FARP2: variants seen among roughly 807,000 people sequenced by gnomAD.
FARP2 encodes the protein FERM, ARHGEF and pleckstrin domain-containing protein 2.
FARP2 carries 111 observed loss-of-function variants against 130.5 expected under a neutral mutation model. The observed-to-expected ratio is 0.85, with a 90% CI of 0.73 to 1.00. The LOEUF (loss-of-function observed/expected upper bound fraction) is 1.00. Ranked by LOEUF, FARP2 falls within the 50% of genes least tolerant of loss-of-function variation. FARP2 has a pLI of 0.00. For synonymous variants in FARP2, 504 were observed against 516.9 expected (o/e 0.98, Z 0.34); for missense variants, 1,385 against 1,346.3 (o/e 1.03, Z -0.45).
chr2:241,458,895 A>T (rs1159968957), intron 14 of FARP2, among the ~76,000 whole-genome samples: 1 of 152,126 alleles, frequency 6.6e-6, no homozygotes, highest in Non-Finnish European at 1.5e-5. Context: ...GCCCTCTGGG[A>T]TGGGGGCACC....
intron 13 of FARP2, among the ~76,000 whole-genome samples, chr2:241,455,454 C>T (rs1215092171): frequency 1.3e-5 from 2 of 152,200 alleles, no homozygotes; most frequent in South Asian, 2.1e-4. Context: ...AACCTCAGCT[C>T]ACTGCAACCT....
intron 2 of FARP2, chr2:241,387,186 G>T (rs2061804175): frequency 6.6e-6 from 1 of 152,168 alleles, no homozygotes; most frequent in Non-Finnish European, 1.5e-5. Context: ...TTGGGAAACG[G>T]AGGGACAGAG....
intron 18 of FARP2, among the ~76,000 whole-genome samples, chr2:241,474,652 C>T (rs931565310): frequency 1.3e-4 from 19 of 151,626 alleles, no homozygotes; most frequent in African/African-American, 4.4e-4. Flanking sequence ...ATTAGCCAGG[C>T]GTTGTGGCGG....
chr2:241,404,339 C>T (rs776659909), intron 3 of FARP2, among the ~76,000 whole-genome samples: 6 of 152,182 alleles, frequency 3.9e-5, no homozygotes, highest in Non-Finnish European at 7.3e-5. Flanking sequence ...GTTCAAAAAG[C>T]ATGTCAGCGT....
chr2:241,465,930 G>T (rs2064157557), intron 17 of FARP2: 3 of 1,421,916 alleles, frequency 2.1e-6, no homozygotes, highest in South Asian at 1.6e-5. Context: ...TTCCTGCCTC[G>T]ACGGAAGCTG....
chr2:241,411,021 A>T lies in FARP2; in HGVS notation c.411-12A>T. 1.3e-6 allele frequency: 2 copies of T among 1,561,252 alleles called. No homozygotes were observed. The highest frequency in any genetic ancestry group is 2.3e-5 in the South Asian group (2 of 88,150). ...GGAATTGATCTCTGTCTTATTTTGAACTCTCTTCTAGATACTTGTTTGCCT... is the reference window on the plus strand; with the variant it reads ...GGAATTGATCTCTGTCTTATTTTGATCTCTCTTCTAGATACTTGTTTGCCT... On this transcript the variant is annotated splice_polypyrimidine_tract_variant and intron_variant, in intron 5 of 26. Transcript: ENST00000264042.
chr2:241,487,599 G>A (rs1458530144), intron 21 of FARP2, among the ~76,000 whole-genome samples: 6 of 149,482 alleles, frequency 4.0e-5, no homozygotes, highest in African/African-American at 7.4e-5. Context: ...CCTGGGAGGC[G>A]GAGGTTGCAC....
chr2:241,477,692 C>A (rs909980655), intron 19 of FARP2, among the ~76,000 whole-genome samples: 1 of 152,206 alleles, frequency 6.6e-6, no homozygotes, highest in Non-Finnish European at 1.5e-5. Flanking sequence ...TTCATTCCCA[C>A]CAACTCGTAT....
intron 2 of FARP2, among the ~76,000 whole-genome samples, chr2:241,397,096 A>G (rs1462714550): frequency 6.6e-6 from 1 of 152,146 alleles, no homozygotes; most frequent in Non-Finnish European, 1.5e-5. Flanking sequence ...AAAAAACCAA[A>G]CACCGCATGT....
chr2:241,400,514 T>C (rs959511187), intron 2 of FARP2, among the ~76,000 whole-genome samples: 2 of 152,230 alleles, frequency 1.3e-5, no homozygotes, highest in Non-Finnish European at 2.9e-5. Flanking sequence ...AACTGGTGTG[T>C]AATTAGGTAG....
chr2:241,420,475 G>A (rs1420643369), intron 8 of FARP2, among the ~76,000 whole-genome samples: 1 of 152,136 alleles, frequency 6.6e-6, no homozygotes, highest in East Asian at 1.9e-4. Flanking sequence ...ACTCATTTTT[G>A]AACCTTCAGA....
At chr2:241,491,914 G>A (rs768403885) in intron 24 of FARP2, among the ~76,000 whole-genome samples, 2 of 152,280 alleles carry the variant, frequency 1.3e-5, no homozygotes, top group African/African-American at 2.4e-5. Flanking sequence ...CAGGCGGGGC[G>A]TGTCCTCAGG....
chr2:241,470,396 C>T (rs2064276210), intron 18 of FARP2, among the ~76,000 whole-genome samples: 1 of 150,710 alleles, frequency 6.6e-6, no homozygotes, highest in African/African-American at 2.4e-5. Context: ...ACGTGGCTCT[C>T]AGGGGGTCCT....
intron 2 of FARP2, among the ~76,000 whole-genome samples, chr2:241,400,497 G>A (rs986408998): frequency 3.3e-5 from 5 of 152,198 alleles, no homozygotes; most frequent in South Asian, 2.1e-4. Context: ...TTCTAGAGTC[G>A]AGTACCAACT....
intron 1 of FARP2, among the ~76,000 whole-genome samples, chr2:241,364,346 G>T (rs984604637): frequency 2.0e-5 from 3 of 152,184 alleles, no homozygotes; most frequent in African/African-American, 7.2e-5. Context: ...GCCTGTAAGT[G>T]TATTCTCCCC....
At chr2:241,371,423 G>T (rs1239869313) in intron 1 of FARP2, among the ~76,000 whole-genome samples, 1 of 152,198 alleles carries the variant, frequency 6.6e-6, no homozygotes, top group Non-Finnish European at 1.5e-5. Context: ...GGTGGAGGTT[G>T]CAGTGAACCA....
intron 19 of FARP2, chr2:241,478,230 T>G: frequency 6.4e-6 from 1 of 156,178 alleles, no homozygotes; most frequent in Non-Finnish European, 1.4e-5. Context: ...AGCCCAGGAG[T>G]TCAACGTTGC....
intron 2 of FARP2, among the ~76,000 whole-genome samples, chr2:241,402,845 T>TAC: frequency 1.5e-4 from 1 of 6,586 alleles, no homozygotes; most frequent in East Asian, 3.4e-3. Context: ...TTTATATATA[T>TAC]ATATATATAT....
At position 241,435,510 on chromosome 2, in the gene FARP2, AT is replaced by A. The variant is rs374376821; in HGVS notation, c.1100+499del. ...ATGTTTTAAAGAAAGTGGATTTGTAATTTTTTTTTTTTTTTTTTTGAGACGG... is the reference window on the plus strand; with the variant it reads ...ATGTTTTAAAGAAAGTGGATTTGTAATTTTTTTTTTTTTTTTTTGAGACGG... On this transcript the variant is annotated intron_variant, in intron 11 of 26. Transcript: ENST00000264042. Among the ~76,000 whole-genome samples, 1,009 of 134,516 alleles carry A rather than the reference AT, an allele frequency of 7.5e-3. 2 individuals carry two copies. The highest frequency in any genetic ancestry group is 0.02 in the African/African-American group (726 of 36,562). 88.2% of individuals were successfully genotyped at this position (134,516 alleles called of 152,430 possible).
Sources: allele counts gnomAD v4.1 joint callset (sites outside exome capture counted in the v4.1 genomes callset), GRCh38; gene constraint gnomAD v4.1.1; transcripts MANE v1.5; gene names NCBI Gene and HGNC (gene_info 2026-07-23, HGNC 2026-07-21).